GLDN: variants seen among roughly 807,000 people sequenced by gnomAD.
GLDN encodes collomin.
GLDN carries 47 observed loss-of-function variants against 56.5 expected under a neutral mutation model. The ratio of observed to expected loss-of-function variants is 0.83; its 90% CI spans 0.66 to 1.06. GLDN has a LOEUF of 1.06. Ranked by LOEUF, GLDN falls within the 50% of genes least tolerant of loss-of-function variation. The pLI, the probability that GLDN is intolerant of heterozygous loss-of-function variation, is 0.00. For missense variants in GLDN, 782 were observed against 714.3 expected (o/e 1.09, Z -1.08); for synonymous variants, 332 against 278.8 (o/e 1.19, Z -1.90).
At chr15:51,355,940 GC>G (rs1370945598) in intron 1 of GLDN, among the ~76,000 whole-genome samples, 3 of 146,670 alleles carry the variant, frequency 2.0e-5, no homozygotes, top group Non-Finnish European at 3.0e-5. Flanking sequence ...GGGTGTGGTG[GC>G]TCACGCCTGT....
chr15:51,391,434 A>G (rs552722339), intron 4 of GLDN, among the ~76,000 whole-genome samples: 2 of 152,346 alleles, frequency 1.3e-5, no homozygotes, highest in South Asian at 4.1e-4. Flanking sequence ...TTCCCTGAGC[A>G]CTGCTAAAAC....
intron 1 of GLDN, among the ~76,000 whole-genome samples, chr15:51,343,042 C>G (rs894645474): frequency 6.6e-6 from 1 of 152,196 alleles, no homozygotes; most frequent in Non-Finnish European, 1.5e-5. Context: ...TTATTTATTA[C>G]AATTGCAACA....
At chr15:51,350,242 G>A (rs1489570297) in intron 1 of GLDN, among the ~76,000 whole-genome samples, 1 of 152,192 alleles carries the variant, frequency 6.6e-6, no homozygotes, top group Non-Finnish European at 1.5e-5. Flanking sequence ...AATGTTAGGG[G>A]AGCTTTTAGC....
intron 3 of GLDN, 113 bp from the exon 4 acceptor site, chr15:51,383,672 G>A: frequency 2.1e-6 from 2 of 947,762 alleles, no homozygotes; most frequent in Non-Finnish European, 3.1e-6. Context: ...AAAGGATGTG[G>A]AAAAGGAATT....
At chr15:51,378,169 T>C (rs191848116) in intron 2 of GLDN, among the ~76,000 whole-genome samples, 7 of 152,306 alleles carry the variant, frequency 4.6e-5, no homozygotes, top group African/African-American at 1.2e-4. Context: ...TGTGAGTATA[T>C]GGGTATGTGA....
chr15:51,361,183 C>T (rs2037293431), intron 1 of GLDN, among the ~76,000 whole-genome samples: 1 of 152,192 alleles, frequency 6.6e-6, no homozygotes, highest in Admixed American at 6.5e-5. Context: ...TCTCAGCTCA[C>T]TTCAAAACAC....
At chr15:51,411,025 C>A (rs374269029), downstream of GLDN, among the ~76,000 whole-genome samples, 1 of 152,026 alleles carries the variant, frequency 6.6e-6, no homozygotes, top group African/African-American at 2.4e-5. Context: ...CATGGTATAG[C>A]GGTAGAAAGG....
downstream of GLDN, among the ~76,000 whole-genome samples, chr15:51,408,191 A>G (rs2038424023): frequency 6.6e-6 from 1 of 152,226 alleles, no homozygotes; most frequent in Non-Finnish European, 1.5e-5. Context: ...TCTCTATAAG[A>G]AAACATGAGC....
chr15:51,408,136 C>A (rs2038423309), downstream of GLDN: 1 of 152,150 alleles, frequency 6.6e-6, no homozygotes. Context: ...TTTGCTAGCT[C>A]CTTCTGAATA....
intron 1 of GLDN, among the ~76,000 whole-genome samples, chr15:51,367,836 G>A (rs1318121895): frequency 2.0e-5 from 3 of 152,166 alleles, no homozygotes; most frequent in Non-Finnish European, 4.4e-5. Flanking sequence ...ACTCAAGATA[G>A]TGTGAAAGGC....
chr15:51,403,158 G>A (rs977122171), intron 9 of GLDN, among the ~76,000 whole-genome samples: 5 of 152,164 alleles, frequency 3.3e-5, no homozygotes, highest in South Asian at 2.1e-4. Flanking sequence ...GCTCTATGCC[G>A]CGCCACGGAC....
chr15:51,355,423 A>G (rs2037155791), intron 1 of GLDN, among the ~76,000 whole-genome samples: 1 of 151,960 alleles, frequency 6.6e-6, no homozygotes, highest in Admixed American at 6.6e-5. Flanking sequence ...TGCATTATTA[A>G]TTGGCACGTA....
At chr15:51,402,363 C>T (rs2038272878) in intron 9 of GLDN, among the ~76,000 whole-genome samples, 1 of 151,922 alleles carries the variant, frequency 6.6e-6, no homozygotes, top group Non-Finnish European at 1.5e-5. Context: ...GGAAATCAAG[C>T]TCTGGCCTTT....
chr15:51,401,752 C>T lies in GLDN; in HGVS notation c.1178+9C>T, dbSNP rs2038257074. ...TCTAATACCCTAGTGAGGTAAGTCG[C>T]ACCACAGCACCTTCTCACGCCTCTC... On this transcript the variant is annotated intron_variant, in intron 9 of 9. Coordinates refer to ENST00000335449, the MANE Select transcript of GLDN (RefSeq NM_181789.4). 1 of 1,610,690 alleles carries T rather than the reference C, an allele frequency of 6.2e-7. No individual in the cohort carries two copies. The highest frequency in any genetic ancestry group is 1.7e-5 in the Admixed American group (1 of 59,828).
chr15:51,381,391 C>T (rs970916069), intron 2 of GLDN, among the ~76,000 whole-genome samples: 1 of 152,176 alleles, frequency 6.6e-6, no homozygotes, highest in East Asian at 1.9e-4. Flanking sequence ...CTGGCCACCT[C>T]ACCCCCTTCC....
chr15:51,346,981 G>A (rs781208160), intron 1 of GLDN, among the ~76,000 whole-genome samples: 22 of 152,212 alleles, frequency 1.4e-4, no homozygotes, highest in Non-Finnish European at 2.4e-4. Context: ...CGGGAGAACC[G>A]CTTGAACCCA....
intron 1 of GLDN, among the ~76,000 whole-genome samples, chr15:51,375,680 A>G (rs1230814943): frequency 6.6e-6 from 1 of 152,220 alleles, no homozygotes; most frequent in Non-Finnish European, 1.5e-5. Context: ...ACAGGTGGTC[A>G]TCCAGTGGGG....
chr15:51,408,364 C>A (rs2038426588), downstream of GLDN, among the ~76,000 whole-genome samples: 1 of 152,176 alleles, frequency 6.6e-6, no homozygotes, highest in Non-Finnish European at 1.5e-5. Flanking sequence ...GGGCAAGTCT[C>A]TTAATCCCTC....
intron 4 of GLDN, among the ~76,000 whole-genome samples, chr15:51,391,011 T>C (rs1014719224): frequency 5.9e-5 from 9 of 152,148 alleles, no homozygotes; most frequent in Non-Finnish European, 1.2e-4. Flanking sequence ...TTCTGACATA[T>C]CACGGCGAAA....
Sources: gnomAD v4.1 joint callset for allele counts (sites outside exome capture counted in the v4.1 genomes callset) on GRCh38, gnomAD v4.1.1 for gene constraint, MANE v1.5 for transcripts, NCBI Gene and HGNC (gene_info 2026-07-23, HGNC 2026-07-21) for gene names.